TUSC3: variants seen among roughly 807,000 people sequenced by gnomAD.
TUSC3 encodes dolichyl-diphosphooligosaccharide--protein glycosyltransferase subunit TUSC3.
A neutral mutation model predicts 44.8 loss-of-function variants in TUSC3; 45 were observed. The observed-to-expected ratio is 1.00, with a 90% CI of 0.79 to 1.29. The LOEUF (loss-of-function observed/expected upper bound fraction) is 1.29, where lower values mean the gene tolerates loss of function less well. Among genes scored for constraint, TUSC3 ranks in the 50% most tolerant of loss-of-function variants. TUSC3 has a pLI of 0.00. For synonymous variants in TUSC3, 212 were observed against 152.9 expected (o/e 1.39, Z -2.85); for missense variants, 519 against 437.9 (o/e 1.19, Z -1.65).
At chr8:15,753,319 C>G (rs781526150) in intron 9 of TUSC3, among the ~76,000 whole-genome samples, 10 of 152,092 alleles carry the variant, frequency 6.6e-5, no homozygotes, top group Middle Eastern at 6.8e-3. Flanking sequence ...AATCGTTTTC[C>G]TACATTCTAT....
chr8:15,525,771 G>A lies in TUSC3; in HGVS notation n.189+42288G>A, dbSNP rs1350235459. Among the ~76,000 whole-genome samples the A allele has an allele frequency of 6.6e-5, 10 of 152,230 alleles. No homozygotes were observed. In the East Asian group the frequency reaches 1.6e-3, roughly 24 times the overall value. ...GATGTTAGCAATGTAGAATGGAAAT[G>A]ACCTCTAAGTCAGGAAGCCAGCAAC... On this transcript the variant is annotated intron_variant and non_coding_transcript_variant, in intron 2 of 5. Coordinates refer to the TUSC3 transcript ENST00000503191.
intron 8 of TUSC3, among the ~76,000 whole-genome samples, chr8:15,746,040 T>C (rs916511581): frequency 6.6e-6 from 1 of 152,108 alleles, no homozygotes; most frequent in African/African-American, 2.4e-5. Flanking sequence ...TTGCTTGTTT[T>C]TGTCAACTTT....
At chr8:15,793,655 T>G in the TUSC3 span, among the ~76,000 whole-genome samples, 1 of 152,188 alleles carries the variant, frequency 6.6e-6, no homozygotes, top group Non-Finnish European at 1.5e-5. Context: ...TAGTCTGTGC[T>G]CCTACACCCT....
At chr8:15,702,869 T>A (rs190762945) in intron 6 of TUSC3, among the ~76,000 whole-genome samples, 1 of 152,288 alleles carries the variant, frequency 6.6e-6, no homozygotes, top group African/African-American at 2.4e-5. Context: ...GTCCACTTGG[T>A]TTCAGCATTG....
chr8:15,569,204 A>G (rs1325848410), intron 1 of TUSC3, among the ~76,000 whole-genome samples: 4 of 152,204 alleles, frequency 2.6e-5, no homozygotes, highest in African/African-American at 4.8e-5. Flanking sequence ...TGCATTTGGC[A>G]TACCAAGTAC....
At chr8:15,792,706 C>T in the TUSC3 span, among the ~76,000 whole-genome samples, 4 of 152,070 alleles carry the variant, frequency 2.6e-5, no homozygotes, top group South Asian at 2.1e-4. Context: ...ACCTCTGCCT[C>T]CTGGGTTCAA....
intron 6 of TUSC3, among the ~76,000 whole-genome samples, chr8:15,707,470 A>G (rs1200658055): frequency 6.6e-6 from 1 of 151,954 alleles, no homozygotes; most frequent in African/African-American, 2.4e-5. Flanking sequence ...TATTGTGGCA[A>G]ACACCACCAC....
chr8:15,676,246 A>G (rs1400192822), intron 6 of TUSC3, among the ~76,000 whole-genome samples: 1 of 152,154 alleles, frequency 6.6e-6, no homozygotes, highest in East Asian at 1.9e-4. Context: ...GCATCTTTGC[A>G]TATATTTGTT....
downstream of TUSC3, among the ~76,000 whole-genome samples, chr8:15,771,637 T>C (rs1412821135): frequency 6.6e-6 from 1 of 151,734 alleles, no homozygotes; most frequent in Non-Finnish European, 1.5e-5. Context: ...GGAAAATAAA[T>C]AATATAAAAC....
At chr8:15,659,442 G>C (rs962582075) in intron 3 of TUSC3, 65 bp from the exon 4 acceptor site, 1 of 1,571,500 alleles carries the variant, frequency 6.4e-7, no homozygotes, top group African/African-American at 1.4e-5. Flanking sequence ...TACAGAAAAA[G>C]TGTAAAATAT....
At chr8:15,537,512 A>C (rs796649939), upstream of TUSC3, among the ~76,000 whole-genome samples, 9 of 152,198 alleles carry the variant, frequency 5.9e-5, no homozygotes, top group East Asian at 7.7e-4. Context: ...AATCTCTTCA[A>C]ACATTTTACA....
At chr8:15,814,704 G>A in the TUSC3 span, among the ~76,000 whole-genome samples, 5 of 152,004 alleles carry the variant, frequency 3.3e-5, no homozygotes, top group Admixed American at 6.5e-5. Flanking sequence ...TTTCTTTTGC[G>A]CAAATGAAAA....
At chr8:15,575,886 T>G (rs539402765) in intron 1 of TUSC3, among the ~76,000 whole-genome samples, 1 of 152,266 alleles carries the variant, frequency 6.6e-6, no homozygotes, top group South Asian at 2.1e-4. Flanking sequence ...TGCCCAAGAT[T>G]GAAATGAATT....
the TUSC3 span, among the ~76,000 whole-genome samples, chr8:15,851,072 C>T: frequency 8.5e-5 from 13 of 152,098 alleles, no homozygotes; most frequent in South Asian, 2.1e-4. Flanking sequence ...AGTCAATGGA[C>T]GACGCGACGC....
chr8:15,583,015 C>G (rs1423482590), intron 1 of TUSC3, among the ~76,000 whole-genome samples: 1 of 152,140 alleles, frequency 6.6e-6, no homozygotes, highest in Non-Finnish European at 1.5e-5. Context: ...TTGATTTCAA[C>G]AACATGTAAA....
chr8:15,526,511 C>T (rs1801374941), intron 2 of TUSC3, among the ~76,000 whole-genome samples: 2 of 152,086 alleles, frequency 1.3e-5, no homozygotes, highest in African/African-American at 4.8e-5. Flanking sequence ...ATGGTGGGGG[C>T]AGGTTTCCCC....
At chr8:15,487,537 G>C (rs1800748975) in intron 2 of TUSC3, among the ~76,000 whole-genome samples, 1 of 152,094 alleles carries the variant, frequency 6.6e-6, no homozygotes, top group African/African-American at 2.4e-5. Flanking sequence ...GTTTATCCTG[G>C]TAGGCTTATG....
In TUSC3 at chr8:15,593,424, C is replaced by T. The variant is rs1803936922; in HGVS notation, c.139-29656C>T. Among the ~76,000 whole-genome samples, 3 of 152,260 alleles carry T rather than the reference C, an allele frequency of 2.0e-5. No individual in the cohort carries two copies. The South Asian group carries it at 6.2e-4, about 32-fold the overall frequency. On this transcript the variant is annotated intron_variant, in intron 1 of 10. Coordinates refer to ENST00000503731, the MANE Select transcript of TUSC3 (RefSeq NM_006765.4). ...GCTTTTAAACAATGTTTATCACTTA[C>T]TAAAATAATATGGCCTGTGTTTTCA...
chr8:15,845,626 C>T, the TUSC3 span, among the ~76,000 whole-genome samples: 1 of 152,160 alleles, frequency 6.6e-6, no homozygotes, highest in African/African-American at 2.4e-5. Flanking sequence ...CCTGAAACAA[C>T]TGACCCTTTT....
Sources: gnomAD v4.1 joint callset for allele counts (sites outside exome capture counted in the v4.1 genomes callset) on GRCh38, gnomAD v4.1.1 for gene constraint, MANE v1.5 for transcripts, NCBI Gene and HGNC (gene_info 2026-07-23, HGNC 2026-07-21) for gene names.